Variants in DCHS2 observed in about 807,000 individuals in gnomAD.
The protein encoded by DCHS2 is protocadherin-23.
Under a neutral mutation model 182.4 loss-of-function variants are expected in DCHS2, and 142 were observed. That is an observed-to-expected ratio of 0.78 (90% CI 0.68 to 0.89). The LOEUF (loss-of-function observed/expected upper bound fraction) is 0.89. Among genes scored for constraint, DCHS2 ranks in the 40% least tolerant of loss-of-function variants. DCHS2 has a pLI of 0.00. For missense variants in DCHS2, 4,319 were observed against 4,198.6 expected (o/e 1.03, Z -0.79); for synonymous variants, 1,740 against 1,663.3 (o/e 1.05, Z -1.12).
At chr4:154,326,592 G>A (rs1736292758) in intron 7 of DCHS2, among the ~76,000 whole-genome samples, 2 of 152,000 alleles carry the variant, frequency 1.3e-5, no homozygotes, top group Non-Finnish European at 2.9e-5. Context: ...ACTCATCTTT[G>A]ATATGCTGAG....
Position 154,410,592 on chromosome 4 carries a change from A to C in DCHS2, c.2053-33148T>G, listed in dbSNP as rs1321926075. On this transcript the variant is annotated intron_variant, in intron 1 of 19. Transcript: ENST00000357232. Reference sequence around the variant, plus strand: ...TCCATCTCAAAAAAAAAAAAAAAAAAAAAAAAAAATGAAGGCAGCCTATGG... The same window carrying C: ...TCCATCTCAAAAAAAAAAAAAAAAACAAAAAAAAATGAAGGCAGCCTATGG... Among the ~76,000 whole-genome samples the C allele has an allele frequency of 2.7e-5, 4 of 149,274 alleles. No individual in the cohort carries two copies. In the East Asian group the frequency reaches 7.8e-4, roughly 29 times the overall value.
intron 13 of DCHS2, among the ~76,000 whole-genome samples, chr4:154,285,365 G>A (rs1197336797): frequency 6.6e-6 from 1 of 151,520 alleles, no homozygotes; most frequent in African/African-American, 2.4e-5. Context: ...AGGGGAAAGG[G>A]GACTTTGTCT....
At chr4:154,359,541 G>A (rs1298296306) in intron 3 of DCHS2, among the ~76,000 whole-genome samples, 1 of 151,890 alleles carries the variant, frequency 6.6e-6, no homozygotes, top group East Asian at 1.9e-4. Context: ...TTAAAAGTGA[G>A]GTTCTCTCAC....
intron 1 of DCHS2, among the ~76,000 whole-genome samples, chr4:154,458,276 A>G (rs1393416980): frequency 6.6e-6 from 1 of 151,906 alleles, no homozygotes; most frequent in Non-Finnish European, 1.5e-5. Flanking sequence ...GTATTAATAG[A>G]AAATCAGACC....
chr4:154,266,819 A>G (rs1560997139), intron 14 of DCHS2, among the ~76,000 whole-genome samples: 1 of 152,144 alleles, frequency 6.6e-6, no homozygotes, highest in Non-Finnish European at 1.5e-5. Context: ...ACTTGAGCAA[A>G]TTTCAGTAAT....
intron 3 of DCHS2, among the ~76,000 whole-genome samples, chr4:154,336,463 C>T (rs2111374048): frequency 6.6e-6 from 1 of 152,286 alleles, no homozygotes; most frequent in Admixed American, 6.5e-5. Context: ...TCATCATGTA[C>T]AACTGGCCAT....
chr4:154,332,828 C>T lies in DCHS2; in HGVS notation c.3380G>A (p.Ser1127Asn). ...ASPLRYSLEP[S>N]VDSAMFGIRP... Reference sequence around the variant, plus strand: ...GATTCCAAACATAGCAGAGTCTACGCTGGGTTCCAGCGAGTACCTAAGAGG... The same window carrying T: ...GATTCCAAACATAGCAGAGTCTACGTTGGGTTCCAGCGAGTACCTAAGAGG... Residue 1127 changes from serine to asparagine, a missense_variant, in exon 5 of 20, where the codon AGC becomes AAC. Coordinates refer to ENST00000357232, the MANE Select transcript of DCHS2 (RefSeq NM_001358235.2). 1 of 1,614,240 alleles carries T rather than the reference C, an allele frequency of 6.2e-7. No homozygotes were observed. Among genetic ancestry groups the T allele is most frequent in the Non-Finnish European group, 8.5e-7 (1 of 1,180,038 alleles).
chr4:154,384,423 C>A lies in DCHS2; in HGVS notation c.2053-6979G>T, dbSNP rs778975136. 8.7e-6 allele frequency: 14 copies of A among 1,613,098 alleles called. No homozygotes were observed. The Admixed American group carries it at 2.0e-4, about 23-fold the overall frequency. ...TTCCTGGCTTCTGAACACTATAGCACCCCAGAGCTCAGTCTCGGGACTACC... is the reference window on the plus strand; with the variant it reads ...TTCCTGGCTTCTGAACACTATAGCAACCCAGAGCTCAGTCTCGGGACTACC... On this transcript the variant is annotated intron_variant, in intron 1 of 19. Coordinates refer to ENST00000357232, the MANE Select transcript of DCHS2 (RefSeq NM_001358235.2).
chr4:154,377,592 C>T lies in DCHS2; in HGVS notation c.2053-148G>A, dbSNP rs1202020639. ...CTTTGGTTTCATATCTCTCTCCTCG[C>T]TTACCTTCTGTGATAATTCCCCCTT... On this transcript the variant is annotated intron_variant, in intron 1 of 19. Coordinates refer to ENST00000357232, the MANE Select transcript of DCHS2 (RefSeq NM_001358235.2). 6 of 603,342 alleles carry T rather than the reference C, an allele frequency of 9.9e-6. No individual in the cohort carries two copies. The East Asian group carries it at 1.7e-4, about 17-fold the overall frequency. The allele number at this position is 603,342 out of a possible 1,614,324, so 37.4% of individuals were successfully genotyped here.
At chr4:154,294,141 T>C (rs1561018568) in intron 13 of DCHS2, among the ~76,000 whole-genome samples, 2 of 152,186 alleles carry the variant, frequency 1.3e-5, no homozygotes. Flanking sequence ...GACTTATAAC[T>C]ACTGGTAATC....
At chr4:154,283,556 A>T (rs1373110276) in intron 13 of DCHS2, among the ~76,000 whole-genome samples, 1 of 152,054 alleles carries the variant, frequency 6.6e-6, no homozygotes, top group African/African-American at 2.4e-5. Context: ...TTTTAATAGG[A>T]TTATAGATTT....
At chr4:154,331,499 T>C in intron 5 of DCHS2, 1 of 1,447,860 alleles carries the variant, frequency 6.9e-7, no homozygotes, top group Non-Finnish European at 9.3e-7. Flanking sequence ...GTTTAGGGAG[T>C]GAATGAGAGT....
intron 13 of DCHS2, among the ~76,000 whole-genome samples, chr4:154,296,627 G>T (rs1164979663): frequency 2.6e-5 from 4 of 152,118 alleles, no homozygotes; most frequent in African/African-American, 9.7e-5. Flanking sequence ...TTCCAACAAA[G>T]AAATGTTAAA....
Position 154,333,108 on chromosome 4 carries a change from C to G in DCHS2, c.3100G>C (p.Val1034Leu), listed in dbSNP as rs775544749. 1 of 1,614,010 alleles carries G rather than the reference C, an allele frequency of 6.2e-7. No homozygotes were observed. The highest frequency in any genetic ancestry group is 1.1e-5 in the South Asian group (1 of 91,076). The change falls in exon 5 of 20, where the codon GTG (valine) becomes CTG (leucine). Residue 1034 changes from valine (V) to leucine (L), a missense_variant. Val to Leu is a conservative substitution (Grantham distance 32). Coordinates refer to ENST00000357232, the MANE Select transcript of DCHS2 (RefSeq NM_001358235.2). ...GVFAIDRALG[V>L]LFLNGSLGAG... ...CCCAGGCTGCCGTTGAGGAACAGCA[C>G]CCCCAGGGCTCTGTCGATGGCAAAG... is the stretch of plus-strand genomic sequence containing the variant.
chr4:154,360,789 A>G (rs1293404921), intron 3 of DCHS2, among the ~76,000 whole-genome samples: 1 of 152,188 alleles, frequency 6.6e-6, no homozygotes, highest in African/African-American at 2.4e-5. Context: ...CTAAACACTG[A>G]GGAACAGCTG....
Position 154,237,037 on chromosome 4 carries a change from T to A in DCHS2, c.7615A>T (p.Ile2539Leu). 6.2e-7 allele frequency: 1 copy of A among 1,614,040 alleles called. No homozygotes were observed. The highest frequency in any genetic ancestry group is 8.5e-7 in the Non-Finnish European group (1 of 1,179,936). The stretch of plus-strand genomic sequence containing the variant: ...GGGGCATAATTGTTCATATCTTCTA[T>A]TCCTATCTCCACTAAAGTAAGAGCT... ...LRALTLVEIG[I>L]EDMNNYAPEF... Residue 2539 changes from isoleucine to leucine, a missense_variant, in exon 20 of 20, where the codon ATA becomes TTA. Transcript: ENST00000357232.
chr4:154,298,416 C>T lies in DCHS2; in HGVS notation c.5898G>A (p.Gly1966=), dbSNP rs1735051648. 6.2e-7 allele frequency: 1 copy of T among 1,614,028 alleles called. No individual in the cohort carries two copies. The highest frequency in any genetic ancestry group is 1.7e-5 in the Admixed American group (1 of 59,994). ...SAVDKDEGLN[G]QTEYFLTDEA... ...CATCAGTCAGAAAATACTCAGTTTG[C>T]CCATTCAGGCCTTCATCCTTGTCCA... Residue 1966 remains glycine (G), a synonymous_variant, in exon 13 of 20, where the codon GGG becomes GGA. Transcript: ENST00000357232.
chr4:154,346,676 G>A (rs1193324094), intron 3 of DCHS2, among the ~76,000 whole-genome samples: 3 of 151,916 alleles, frequency 2.0e-5, no homozygotes, highest in Non-Finnish European at 4.4e-5. Flanking sequence ...CATTTATTGA[G>A]CTGCTTCTAC....
At chr4:154,347,255 G>A (rs993478550) in intron 3 of DCHS2, among the ~76,000 whole-genome samples, 1 of 148,622 alleles carries the variant, frequency 6.7e-6, no homozygotes, top group African/African-American at 2.5e-5. Context: ...CATAAACCTG[G>A]CATCCTAGAT....
Sources: gnomAD v4.1 joint callset for allele counts (sites outside exome capture counted in the v4.1 genomes callset) on GRCh38, gnomAD v4.1.1 for gene constraint, MANE v1.5 for transcripts, NCBI Gene and HGNC (gene_info 2026-07-23, HGNC 2026-07-21) for gene names.